SPATA9: variants seen among roughly 807,000 people sequenced by gnomAD.
SPATA9 encodes the protein spermatogenesis-associated protein 9.
Under a neutral mutation model 25.5 loss-of-function variants are expected in SPATA9, and 27 were observed. The observed-to-expected ratio is 1.06, with a 90% confidence interval of 0.78 to 1.46. The LOEUF (loss-of-function observed/expected upper bound fraction) is 1.46, where lower values mean the gene tolerates loss of function less well. Among genes scored for constraint, SPATA9 ranks in the 40% most tolerant of loss-of-function variants. SPATA9 has a pLI of 0.00. For missense variants in SPATA9, 282 were observed against 297.5 expected, an observed-to-expected ratio of 0.95 and a Z score of 0.38; for synonymous variants, 102 against 105.7, an observed-to-expected ratio of 0.97 and a Z score of 0.21.
At chr5:95,652,793 C>T, downstream of SPATA9, 1 of 307,416 alleles carries the variant, frequency 3.3e-6, no homozygotes, top group Non-Finnish European at 6.0e-6. Flanking sequence ...TACTTTTTAT[C>T]CCCTACAGCA....
intron 3 of SPATA9, among the ~76,000 whole-genome samples, chr5:95,667,861 C>G (rs1018840854): frequency 6.6e-6 from 1 of 152,096 alleles, no homozygotes; most frequent in African/African-American, 2.4e-5. Flanking sequence ...CACCATCCCC[C>G]CTTGGTGCTG....
downstream of SPATA9, chr5:95,656,250 A>C (rs772994742): frequency 6.2e-7 from 1 of 1,613,384 alleles, no homozygotes; most frequent in East Asian, 2.2e-5. Flanking sequence ...TGAACCTTTT[A>C]AGTGTGACTC....
chr5:95,706,336 A>C, the SPATA9 span, among the ~76,000 whole-genome samples: 47 of 151,302 alleles, frequency 3.1e-4, no homozygotes, highest in Non-Finnish European at 5.9e-4. Flanking sequence ...ATCTTGTGAT[A>C]GTGAGTGAGT....
chr5:95,708,554 G>C, the SPATA9 span: 120 of 695,582 alleles, frequency 1.7e-4, 1 homozygote, highest in Non-Finnish European at 4.7e-5. Context: ...CAGAAAAACT[G>C]ATAAGTATCT....
intron 3 of SPATA9, among the ~76,000 whole-genome samples, chr5:95,672,998 C>T (rs1026166648): frequency 2.0e-5 from 3 of 152,138 alleles, no homozygotes; most frequent in Non-Finnish European, 2.9e-5. Context: ...AGACATGTAC[C>T]TCCCTGAACA....
At chr5:95,673,272 G>C (rs1302574502) in intron 3 of SPATA9, among the ~76,000 whole-genome samples, 1 of 152,162 alleles carries the variant, frequency 6.6e-6, no homozygotes, top group Non-Finnish European at 1.5e-5. Context: ...ATTGCCCTAA[G>C]GAATTCAAGC....
At chr5:95,711,856 G>T in the SPATA9 span, among the ~76,000 whole-genome samples, 2 of 152,232 alleles carry the variant, frequency 1.3e-5, no homozygotes, top group African/African-American at 4.8e-5. Flanking sequence ...ACCTGATTAG[G>T]ATAGCCGGGA....
At chr5:95,663,865 A>G (rs1314965570) in intron 4 of SPATA9, 88 bp downstream of exon 4, 9 of 615,130 alleles carry the variant, frequency 1.5e-5, no homozygotes, top group Non-Finnish European at 2.0e-5. Context: ...AACATTAAAT[A>G]TTGTACAGTA....
intron 3 of SPATA9, among the ~76,000 whole-genome samples, chr5:95,666,346 A>G (rs1341339125): frequency 6.6e-6 from 1 of 152,230 alleles, no homozygotes; most frequent in African/African-American, 2.4e-5. Flanking sequence ...AAATAGATGT[A>G]GTTAATTTCT....
chr5:95,731,895 C>G, the SPATA9 span: 1 of 1,613,934 alleles, frequency 6.2e-7, no homozygotes, highest in Non-Finnish European at 8.5e-7. Context: ...ACGAGGGGGA[C>G]ACATTCCACC....
downstream of SPATA9, among the ~76,000 whole-genome samples, chr5:95,653,379 G>A (rs1423146083): frequency 6.6e-6 from 1 of 152,254 alleles, no homozygotes; most frequent in African/African-American, 2.4e-5. Context: ...GCTTTCAGCA[G>A]AAGGCTGAAA....
chr5:95,689,055 C>T (rs1168403762), intron 1 of SPATA9, among the ~76,000 whole-genome samples: 1 of 152,070 alleles, frequency 6.6e-6, no homozygotes, highest in Non-Finnish European at 1.5e-5. Flanking sequence ...TTTTATCAAA[C>T]ATTATAGAAA....
chr5:95,653,951 C>T (rs1394815139), downstream of SPATA9: 1 of 712,284 alleles, frequency 1.4e-6, no homozygotes. Context: ...CAGAAAGTGC[C>T]TCCATTAATC....
At chr5:95,730,223 T>A in the SPATA9 span, among the ~76,000 whole-genome samples, 1 of 152,172 alleles carries the variant, frequency 6.6e-6, no homozygotes, top group Non-Finnish European at 1.5e-5. Flanking sequence ...ACTGCCCTAC[T>A]CAATACCCCC....
intron 1 of SPATA9, among the ~76,000 whole-genome samples, chr5:95,698,276 G>A (rs1397136933): frequency 1.3e-5 from 2 of 152,154 alleles, no homozygotes; most frequent in African/African-American, 4.8e-5. Context: ...CAGACAGTGG[G>A]GCTGGAATGA....
At chr5:95,656,405 T>C, downstream of SPATA9, 1 of 907,258 alleles carries the variant, frequency 1.1e-6, no homozygotes, top group Non-Finnish European at 1.7e-6. Flanking sequence ...TTTTTCAACA[T>C]AGGCACAACT....
chr5:95,729,866 T>A, the SPATA9 span, among the ~76,000 whole-genome samples: 3 of 152,252 alleles, frequency 2.0e-5, no homozygotes, highest in Non-Finnish European at 4.4e-5. Flanking sequence ...TTTTAAACGC[T>A]AATCATCCAT....
chr5:95,728,698 G>A, the SPATA9 span, among the ~76,000 whole-genome samples: 8 of 152,186 alleles, frequency 5.3e-5, no homozygotes, highest in South Asian at 4.1e-4. Context: ...ATCTTGAGTA[G>A]AGGCTGGGTA....
intron 1 of SPATA9, among the ~76,000 whole-genome samples, chr5:95,694,431 G>A (rs1392277296): frequency 2.6e-5 from 4 of 152,044 alleles, no homozygotes; most frequent in Admixed American, 1.3e-4. Flanking sequence ...AAGAAAACTG[G>A]TCATTTTATG....
Sources: gnomAD v4.1 joint callset for allele counts (sites outside exome capture counted in the v4.1 genomes callset) on GRCh38, gnomAD v4.1.1 for gene constraint, MANE v1.5 for transcripts, NCBI Gene and HGNC (gene_info 2026-07-23, HGNC 2026-07-21) for gene names.